The following PDE3A variants were observed in gnomAD, a reference collection of about 807,000 sequenced individuals.
PDE3A encodes phosphodiesterase 3A.
Under a neutral mutation model 98.3 loss-of-function variants are expected in PDE3A, and 43 were observed. That is an observed-to-expected ratio of 0.44 (90% confidence interval 0.34 to 0.56). The LOEUF is 0.56. PDE3A is among the 20% of genes least tolerant of loss of function. The pLI, the probability that PDE3A is intolerant of heterozygous loss-of-function variation, is 0.01. For synonymous variants in PDE3A, 663 were observed against 567.9 expected, an observed-to-expected ratio of 1.17 and a Z score of -2.38; for missense variants, 1,427 against 1,440.7, an observed-to-expected ratio of 0.99 and a Z score of 0.15.
At chr12:20,420,001 C>G (rs1469469647) in intron 1 of PDE3A, among the ~76,000 whole-genome samples, 2 of 152,026 alleles carry the variant, frequency 1.3e-5, no homozygotes, top group Non-Finnish European at 2.9e-5. Context: ...GGTGAGGACA[C>G]AGAGCCAAAC....
Position 20,629,963 on chromosome 12 carries a change from G to A in PDE3A, c.1596G>A (p.Gly532=). 6.2e-7 allele frequency: 1 copy of A among 1,613,992 alleles called. No individual in the cohort carries two copies. Among genetic ancestry groups the A allele is most frequent in the Non-Finnish European group, 8.5e-7 (1 of 1,179,974 alleles). ...CGCCCTGCTCCTCACCTCTCCAAGGGACTCCTGCCAGCAGCCTGGTCAGCA... is the reference window on the plus strand; with the variant it reads ...CGCCCTGCTCCTCACCTCTCCAAGGAACTCCTGCCAGCAGCCTGGTCAGCA... ...LSSPCSSPLQ[G]TPASSLVSKI... The change falls in exon 6 of 16, where the codon GGG becomes GGA. Residue 532 remains glycine, a synonymous_variant. Transcript: ENST00000359062.
intron 1 of PDE3A, among the ~76,000 whole-genome samples, chr12:20,482,079 T>A (rs1308183610): frequency 6.6e-6 from 1 of 152,104 alleles, no homozygotes; most frequent in African/African-American, 2.4e-5. Context: ...TAGATATTTT[T>A]AACAAGGTCC....
chr12:20,516,023 C>T (rs1334107581), intron 1 of PDE3A, among the ~76,000 whole-genome samples: 2 of 150,392 alleles, frequency 1.3e-5, no homozygotes, highest in South Asian at 2.1e-4. Flanking sequence ...TGAGCCACCG[C>T]GCCCGGCCTA....
At chr12:20,474,603 G>A (rs1945496755) in intron 1 of PDE3A, among the ~76,000 whole-genome samples, 1 of 152,306 alleles carries the variant, frequency 6.6e-6, no homozygotes, top group South Asian at 2.1e-4. Flanking sequence ...GGAGACTCCA[G>A]GGGAAAATTC....
At chr12:20,577,241 G>A (rs1051195827) in intron 2 of PDE3A, among the ~76,000 whole-genome samples, 3 of 152,072 alleles carry the variant, frequency 2.0e-5, no homozygotes, top group Non-Finnish European at 4.4e-5. Context: ...CCAGTGACTA[G>A]GTGAGCATGG....
Position 20,551,505 on chromosome 12 carries a change from T to G in PDE3A, c.961-5155T>G. ...GGCCGTTCTTAGTTGGTGGAGCGAT[T>G]TGTCTGGTTAATTCCGATAACGAAC... On this transcript the variant is annotated intron_variant, in intron 1 of 15. Transcript: ENST00000359062. 13 of 919,854 alleles carry G rather than the reference T, an allele frequency of 1.4e-5. No individual in the cohort carries two copies. In the South Asian group the frequency reaches 2.0e-4, roughly 14 times the overall value. 57.0% of individuals were successfully genotyped at this position (919,854 alleles called of 1,614,324 possible). A position where few individuals can be genotyped will look rare whatever the true frequency, so the allele number is the denominator to read the frequency against.
chr12:20,680,196 G>C lies in PDE3A; in HGVS notation c.3351G>C (p.Gln1117His). Reference protein sequence around the residue: ...TPQSHSSEQIQAIKEEEEEKG... With the variant: ...TPQSHSSEQIHAIKEEEEEKG... ...AGTCGCACTCTTCAGAACAGATCCA[G>C]GCTATCAAGGAAGAAGAAGAAGAGA... The change falls in exon 16 of 16, where the codon CAG (glutamine) becomes CAC (histidine). Residue 1117 changes from glutamine (Q) to histidine (H), a missense_variant. Gln to His is a conservative substitution (Grantham distance 24, BLOSUM62 0). Coordinates refer to ENST00000359062, the MANE Select transcript of PDE3A (RefSeq NM_000921.5). 1 of 1,613,882 alleles carries C rather than the reference G, an allele frequency of 6.2e-7. No homozygotes were observed. Among genetic ancestry groups the C allele is most frequent in the Non-Finnish European group, 8.5e-7 (1 of 1,179,874 alleles).
intron 2 of PDE3A, among the ~76,000 whole-genome samples, chr12:20,601,671 T>TAAG (rs1943595825): frequency 2.0e-5 from 3 of 152,080 alleles, no homozygotes; most frequent in Admixed American, 1.3e-4. Flanking sequence ...AATTATGTAA[T>TAAG]TGTAATTTCA....
intron 1 of PDE3A, among the ~76,000 whole-genome samples, chr12:20,506,327 T>C (rs1256843803): frequency 6.6e-6 from 1 of 152,046 alleles, no homozygotes; most frequent in East Asian, 1.9e-4. Flanking sequence ...GTTTCTATAA[T>C]AATATGCACT....
At chr12:20,628,223 C>A (rs942170814) in intron 5 of PDE3A, among the ~76,000 whole-genome samples, 1 of 151,898 alleles carries the variant, frequency 6.6e-6, no homozygotes, top group African/African-American at 2.4e-5. Flanking sequence ...AACTTATAAC[C>A]CACTTGCTGT....
At chr12:20,507,860 C>T (rs1021358416) in intron 1 of PDE3A, among the ~76,000 whole-genome samples, 13 of 152,058 alleles carry the variant, frequency 8.5e-5, no homozygotes, top group Non-Finnish European at 1.5e-4. Flanking sequence ...ACAGAAACCT[C>T]GTAGCTGTTC....
At chr12:20,528,282 C>G (rs2121176951) in intron 1 of PDE3A, among the ~76,000 whole-genome samples, 1 of 152,328 alleles carries the variant, frequency 6.6e-6, no homozygotes, top group South Asian at 2.1e-4. Context: ...CTCCCTTTCT[C>G]AAACCCCAGC....
At chr12:20,583,025 C>A (rs1283814679) in intron 2 of PDE3A, among the ~76,000 whole-genome samples, 1 of 152,066 alleles carries the variant, frequency 6.6e-6, no homozygotes, top group Non-Finnish European at 1.5e-5. Context: ...TTCCCTTCCC[C>A]CAATTGTCTG....
chr12:20,562,400 A>T (rs1942549053), intron 2 of PDE3A, among the ~76,000 whole-genome samples: 1 of 151,830 alleles, frequency 6.6e-6, no homozygotes, highest in South Asian at 2.1e-4. Flanking sequence ...TTGTGTTTTT[A>T]ATAGAGACAG....
intron 2 of PDE3A, among the ~76,000 whole-genome samples, chr12:20,589,990 C>G (rs1030954243): frequency 1.3e-5 from 2 of 151,800 alleles, no homozygotes; most frequent in African/African-American, 2.4e-5. Context: ...TGCAACAGAT[C>G]TAGTGAAAAA....
Position 20,613,465 on chromosome 12 carries a change from T to C in PDE3A, c.1034T>C (p.Val345Ala), listed in dbSNP as rs750316450. ...GSQSSGTSIT[V>A]DIAVMGEAHG... Reference sequence around the variant, plus strand: ...CAGTCTTCAGGAACCAGTATTACTGTGGACATCGCCGTCATGGGCGAGGCC... The same window carrying C: ...CAGTCTTCAGGAACCAGTATTACTGCGGACATCGCCGTCATGGGCGAGGCC... Residue 345 changes from valine (V) to alanine (A), a missense_variant, in exon 3 of 16, where the codon GTG (valine) becomes GCG (alanine). This residue lies in a region of PDE3A where 1,012 missense variants were observed against 886.5 expected (regional missense o/e 1.14). Transcript: ENST00000359062. The C allele has an allele frequency of 1.9e-6, 3 of 1,614,170 alleles. No homozygotes were observed. Among genetic ancestry groups the C allele is most frequent in the Non-Finnish European group, 2.5e-6 (3 of 1,179,978 alleles).
At chr12:20,437,842 T>A (rs540742335) in intron 1 of PDE3A, among the ~76,000 whole-genome samples, 3 of 152,344 alleles carry the variant, frequency 2.0e-5, no homozygotes, top group African/African-American at 7.2e-5. Flanking sequence ...GCTTACATTT[T>A]ATCCTAGTAG....
chr12:20,432,201 T>C (rs1250584742), intron 1 of PDE3A, among the ~76,000 whole-genome samples: 1 of 152,202 alleles, frequency 6.6e-6, no homozygotes, highest in East Asian at 1.9e-4. Flanking sequence ...CTCTTTTCAA[T>C]GATGGAAAAG....
At chr12:20,514,181 C>G (rs1484522777) in intron 1 of PDE3A, among the ~76,000 whole-genome samples, 4 of 152,130 alleles carry the variant, frequency 2.6e-5, no homozygotes, top group African/African-American at 9.7e-5. Context: ...TCAAAATTTG[C>G]AAGGCATAAT....
Sources: gnomAD v4.1 joint callset for allele counts (sites outside exome capture counted in the v4.1 genomes callset) on GRCh38, gnomAD v4.1.1 for gene constraint, gnomAD v4.1.1 regional missense constraint, MANE v1.5 for transcripts, NCBI Gene and HGNC (gene_info 2026-07-23, HGNC 2026-07-21) for gene names.